SERINC5: variants seen among roughly 807,000 people sequenced by gnomAD.
SERINC5 encodes chromosome 5 open reading frame 12.
A neutral mutation model predicts 63.1 loss-of-function variants in SERINC5; 41 were observed. That is an observed-to-expected ratio of 0.65 (90% CI 0.51 to 0.84). The LOEUF (loss-of-function observed/expected upper bound fraction) is 0.84. SERINC5 is among the 40% of genes least tolerant of loss of function. SERINC5 has a pLI of 0.00. For synonymous variants in SERINC5, 222 were observed against 215.2 expected, an observed-to-expected ratio of 1.03 and a Z score of -0.28; for missense variants, 523 against 573.0, an observed-to-expected ratio of 0.91 and a Z score of 0.89.
At chr5:80,167,873 A>C (rs1288472488) in intron 6 of SERINC5, among the ~76,000 whole-genome samples, 1 of 152,226 alleles carries the variant, frequency 6.6e-6, no homozygotes, top group Non-Finnish European at 1.5e-5. Context: ...GTTTTTACTC[A>C]GTCTTCCCTT....
intron 8 of SERINC5, chr5:80,157,713 A>G (rs1356103807): frequency 6.6e-6 from 1 of 152,196 alleles, no homozygotes; most frequent in Non-Finnish European, 1.5e-5. Flanking sequence ...TAAAATTGAA[A>G]GGCCAGAAAG....
chr5:80,201,195 G>A (rs11952207), intron 2 of SERINC5, among the ~76,000 whole-genome samples: 171 of 152,262 alleles, frequency 1.1e-3, no homozygotes, highest in African/African-American at 3.8e-3. Context: ...GTGTTGCCCC[G>A]GGCAATGTCA....
intron 12 of SERINC5, among the ~76,000 whole-genome samples, chr5:80,112,868 G>A (rs72776223): frequency 0.15 from 22,436 of 152,164 alleles, 1,773 homozygotes; most frequent in South Asian, 0.2. Context: ...AGAGGCTGAG[G>A]TGGGAGAATC....
At chr5:80,236,471 A>G (rs1751695054) in intron 1 of SERINC5, among the ~76,000 whole-genome samples, 2 of 152,164 alleles carry the variant, frequency 1.3e-5, no homozygotes, top group South Asian at 2.1e-4. Flanking sequence ...TCTCAGTAGA[A>G]AGCAGGTTTG....
intron 11 of SERINC5, among the ~76,000 whole-genome samples, chr5:80,120,294 C>A (rs1236267766): frequency 6.6e-6 from 1 of 152,176 alleles, no homozygotes; most frequent in Non-Finnish European, 1.5e-5. Flanking sequence ...CTATTCTTGG[C>A]AAAGGCTTAA....
chr5:80,245,709 T>C (rs1304850266), intron 1 of SERINC5, among the ~76,000 whole-genome samples: 3 of 151,956 alleles, frequency 2.0e-5, no homozygotes, highest in South Asian at 2.1e-4. Context: ...CAGCCTCCCA[T>C]GTTCATGCAA....
In SERINC5 at chr5:80,141,680, C is replaced by A. The variant is rs1185690534; in HGVS notation, c.*1983G>T. The A allele has an allele frequency of 1.0e-6, 1 of 985,574 alleles. No homozygotes were observed. Among genetic ancestry groups the A allele is most frequent in the East Asian group, 1.1e-4 (1 of 8,818 alleles). 61.1% of individuals were successfully genotyped at this position (985,574 alleles called of 1,614,324 possible). A position where few individuals can be genotyped will look rare whatever the true frequency, so the allele number is the denominator to read the frequency against. On this transcript the variant is annotated 3_prime_UTR_variant, in exon 12 of 12. Coordinates refer to ENST00000507668, the MANE Select transcript of SERINC5 (RefSeq NM_001174072.3). Reference sequence around the variant, plus strand: ...GTGACACGCAGCCCCACTCCCTGAGCCCATTCCTGGCCCACGGAACTCCTG... The same window carrying A: ...GTGACACGCAGCCCCACTCCCTGAGACCATTCCTGGCCCACGGAACTCCTG...
chr5:80,203,063 G>A lies in SERINC5; in HGVS notation c.28-10C>T. ...CACAGCAGCAGGCCAGCTAGAAAAG[G>A]AACAGAAGGCATCTGCTTAGAGCAT... On this transcript the variant is annotated splice_polypyrimidine_tract_variant and intron_variant, in intron 1 of 11. Coordinates refer to ENST00000507668, the MANE Select transcript of SERINC5 (RefSeq NM_001174072.3). The A allele has an allele frequency of 1.3e-6, 2 of 1,595,780 alleles. No individual in the cohort carries two copies. The highest frequency in any genetic ancestry group is 8.5e-7 in the Non-Finnish European group (1 of 1,170,494).
Position 80,177,391 on chromosome 5 carries a change from C to A in SERINC5, c.381G>T (p.Trp127Cys). Residue 127 changes from tryptophan to cysteine, a missense_variant, in exon 4 of 12, where the codon TGG (tryptophan) becomes TGT (cysteine). Trp to Cys is a radical substitution (Grantham distance 215). Transcript: ENST00000507668. ...SCRAHIHNGF[W>C]FFKLLLLGAM... Reference sequence around the variant, plus strand: ...CCCCCAACAGCAGAAGTTTAAAGAACCAAAAGCTAGAAGTGGGGGGAAAAA... The same window carrying A: ...CCCCCAACAGCAGAAGTTTAAAGAAACAAAAGCTAGAAGTGGGGGGAAAAA... 1.2e-6 allele frequency: 2 copies of A among 1,612,732 alleles called. No homozygotes were observed. The highest frequency in any genetic ancestry group is 1.7e-6 in the Non-Finnish European group (2 of 1,179,208).
At chr5:80,122,070 A>G (rs923423393) in intron 11 of SERINC5, among the ~76,000 whole-genome samples, 6 of 152,002 alleles carry the variant, frequency 3.9e-5, no homozygotes, top group Non-Finnish European at 8.8e-5. Context: ...AGTACCCAGC[A>G]TCTGTGCAAA....
At chr5:80,148,176 C>A (rs186299832) in intron 9 of SERINC5, among the ~76,000 whole-genome samples, 1 of 132,332 alleles carries the variant, frequency 7.6e-6, no homozygotes, top group Non-Finnish European at 1.6e-5. Context: ...TGGTACCTTG[C>A]GTATTTTTTA....
At chr5:80,219,044 A>G (rs762310801) in intron 1 of SERINC5, among the ~76,000 whole-genome samples, 6 of 152,338 alleles carry the variant, frequency 3.9e-5, no homozygotes, top group Middle Eastern at 3.4e-3. Context: ...AGTCTTTCTA[A>G]TATTTTTCAC....
intron 1 of SERINC5, among the ~76,000 whole-genome samples, chr5:80,236,741 G>T (rs180845782): frequency 2.3e-4 from 35 of 152,110 alleles, no homozygotes; most frequent in African/African-American, 7.9e-4. Context: ...TGCCCAGGTT[G>T]GTCTCGAACT....
intron 2 of SERINC5, among the ~76,000 whole-genome samples, chr5:80,201,416 G>A (rs1749828558): frequency 6.6e-6 from 1 of 152,224 alleles, no homozygotes; most frequent in African/African-American, 2.4e-5. Flanking sequence ...CTGCGCCCTT[G>A]CAAAGAAGTC....
At chr5:80,173,268 AG>A (rs1335819348) in intron 5 of SERINC5, among the ~76,000 whole-genome samples, 22 of 151,216 alleles carry the variant, frequency 1.5e-4, no homozygotes, top group African/African-American at 5.2e-4. Context: ...GAAGGAAGGA[AG>A]GAAGGAAGGA....
intron 1 of SERINC5, among the ~76,000 whole-genome samples, chr5:80,226,669 C>T (rs1032573414): frequency 6.6e-6 from 1 of 152,164 alleles, no homozygotes; most frequent in African/African-American, 2.4e-5. Context: ...GGGCATCCCA[C>T]CACCGTTCCG....
chr5:80,166,359 A>C, intron 7 of SERINC5, 24 bp downstream of exon 7: 2 of 1,474,150 alleles, frequency 1.4e-6, no homozygotes, highest in Non-Finnish European at 1.9e-6. Flanking sequence ...CCGCAAACAC[A>C]AGCCCACTAA....
chr5:80,235,744 G>A (rs545796371), intron 1 of SERINC5, among the ~76,000 whole-genome samples: 28 of 152,286 alleles, frequency 1.8e-4, no homozygotes, highest in South Asian at 1.4e-3. Context: ...TTACAGGCAT[G>A]AGCCACCGCG....
intron 2 of SERINC5, among the ~76,000 whole-genome samples, chr5:80,183,480 CATCCCCTGTGACTTGCACGT>C (rs367719783): frequency 3.9e-4 from 60 of 152,128 alleles, no homozygotes; most frequent in Non-Finnish European, 5.4e-4. Context: ...CAAGCCATCT[CATCCCCTGTGACTTGCACGT>C]ATCCCCTGTG....
Sources: allele counts gnomAD v4.1 joint callset (sites outside exome capture counted in the v4.1 genomes callset), GRCh38; gene constraint gnomAD v4.1.1; transcripts MANE v1.5; gene names NCBI Gene and HGNC (gene_info 2026-07-23, HGNC 2026-07-21).